The following SNURF variants were observed in gnomAD, a reference collection of about 807,000 sequenced individuals.
SNURF encodes SNRPN upstream open reading frame.
Under a neutral mutation model 11.6 loss-of-function variants are expected in SNURF, and 6 were observed. That is an observed-to-expected ratio of 0.52 (90% CI 0.28 to 1.02). SNURF has a LOEUF of 1.02. SNURF is among the 50% of genes least tolerant of loss of function. The pLI is 0.09. For synonymous variants in SNURF, 29 were observed against 31.6 expected (o/e 0.92, Z 0.27); for missense variants, 84 against 88.4 (o/e 0.95, Z 0.20).
At chr15:24,965,303 G>A (rs565653173) in intron 2 of SNURF, among the ~76,000 whole-genome samples, 4 of 152,096 alleles carry the variant, frequency 2.6e-5, no homozygotes, top group Admixed American at 6.6e-5. Context: ...TTTGGGAGGC[G>A]AAGGTGGGCA....
At chr15:24,962,417 T>C (rs1467596906) in intron 2 of SNURF, among the ~76,000 whole-genome samples, 1 of 152,234 alleles carries the variant, frequency 6.6e-6, no homozygotes, top group Non-Finnish European at 1.5e-5. Context: ...TAATTTTCTT[T>C]TTTCCTATAC....
downstream of SNURF, among the ~76,000 whole-genome samples, chr15:24,971,556 AAAT>A (rs1034812543): frequency 3.3e-5 from 5 of 151,692 alleles, no homozygotes; most frequent in South Asian, 2.1e-4. Context: ...TATAAATATA[AAAT>A]AATAATCTGT....
At chr15:24,955,003 G>A (rs370477576) in exon 1 of SNURF, 23 of 1,611,084 alleles carry the variant, frequency 1.4e-5, no homozygotes, top group Non-Finnish European at 1.8e-5. Flanking sequence ...TGGAGCGGCC[G>A]CCGGAGATGC....
intron 1 of SNURF, among the ~76,000 whole-genome samples, chr15:24,956,377 T>G (rs2153368745): frequency 6.8e-6 from 1 of 146,412 alleles, no homozygotes; most frequent in Non-Finnish European, 1.5e-5. Flanking sequence ...GCTTCCTCCC[T>G]GTAGAGCCGC....
intron 6 of SNURF, chr15:24,977,150 A>T (rs757228865): frequency 1.7e-5 from 12 of 698,736 alleles, no homozygotes; most frequent in Middle Eastern, 7.9e-4. Context: ...TTTAGGAGGA[A>T]CCAAAACACA....
chr15:24,964,973 AT>A (rs1270716287), intron 2 of SNURF, among the ~76,000 whole-genome samples: 1 of 152,134 alleles, frequency 6.6e-6, no homozygotes, highest in Non-Finnish European at 1.5e-5. Context: ...TGGGGGAATG[AT>A]CTGAGTAAAG....
At chr15:24,964,808 G>T (rs117346461) in intron 2 of SNURF, among the ~76,000 whole-genome samples, 402 of 152,226 alleles carry the variant, frequency 2.6e-3, no homozygotes, top group Non-Finnish European at 4.1e-3. Context: ...TAAATAACAG[G>T]TAGTCTCATC....
chr15:24,976,136 C>T (rs2077035939), intron 4 of SNURF, among the ~76,000 whole-genome samples: 1 of 152,130 alleles, frequency 6.6e-6, no homozygotes, highest in Non-Finnish European at 1.5e-5. Flanking sequence ...TCACTATTTA[C>T]CCTTGTATAT....
At chr15:24,970,435 C>T (rs557438119), downstream of SNURF, among the ~76,000 whole-genome samples, 91 of 152,046 alleles carry the variant, frequency 6.0e-4, no homozygotes, top group Middle Eastern at 3.4e-3. Flanking sequence ...AAATATTAGC[C>T]GGGTGTAGTG....
chr15:24,972,129 G>A (rs1015764057), downstream of SNURF, among the ~76,000 whole-genome samples: 3 of 151,796 alleles, frequency 2.0e-5, no homozygotes, highest in Admixed American at 1.3e-4. Context: ...GGTGGCGGGC[G>A]CCTGTAATCC....
downstream of SNURF, chr15:24,978,304 C>CA: frequency 1.2e-6 from 2 of 1,614,154 alleles, no homozygotes; most frequent in Non-Finnish European, 1.7e-6. Context: ...AGACCCCCTC[C>CA]ACCAGGCATT....
At chr15:24,963,557 A>G (rs1346290286) in intron 2 of SNURF, among the ~76,000 whole-genome samples, 1 of 151,488 alleles carries the variant, frequency 6.6e-6, no homozygotes, top group East Asian at 1.9e-4. Context: ...GGAGGTTGCA[A>G]TGAGCTAAGA....
chr15:24,974,824 G>T, intron 3 of SNURF: 1 of 670,400 alleles, frequency 1.5e-6, no homozygotes, highest in Admixed American at 2.2e-5. Flanking sequence ...CTCCCAAAGT[G>T]CTGGGATTAC....
chr15:24,977,404 C>T (rs886626122), intron 6 of SNURF, among the ~76,000 whole-genome samples: 10 of 152,080 alleles, frequency 6.6e-5, no homozygotes, highest in African/African-American at 9.7e-5. Flanking sequence ...TTTGGGAGGC[C>T]GAGGTGGGCA....
chr15:24,974,217 A>G, intron 3 of SNURF: 1 of 545,890 alleles, frequency 1.8e-6, no homozygotes, highest in Non-Finnish European at 3.3e-6. Flanking sequence ...GATGTTTTTG[A>G]ACGTGTCTGT....
chr15:24,970,191 A>T (rs1274338429), downstream of SNURF, among the ~76,000 whole-genome samples: 1 of 152,226 alleles, frequency 6.6e-6, no homozygotes, highest in African/African-American at 2.4e-5. Context: ...TCTGCTGTGG[A>T]GGAAGATGGG....
downstream of SNURF, among the ~76,000 whole-genome samples, chr15:24,970,538 C>T (rs142032572): frequency 2.2e-3 from 338 of 152,248 alleles, no homozygotes; most frequent in African/African-American, 7.8e-3. Flanking sequence ...GAGATTGTGC[C>T]ACTGCGCTTC....
At chr15:24,955,096 G>T (rs372122281) in intron 1 of SNURF, 34 bp downstream of exon 1, 1 of 1,613,508 alleles carries the variant, frequency 6.2e-7, no homozygotes, top group Non-Finnish European at 8.5e-7. Flanking sequence ...TCAAGAGACA[G>T]CCTGGGGAGC....
At chr15:24,976,349 T>C (rs1374556518) in exon 5 of SNURF, 1 of 1,613,548 alleles carries the variant, frequency 6.2e-7, no homozygotes, top group East Asian at 2.2e-5. Context: ...AAGCGGGTTT[T>C]GGGTCTGGTG....
Sources: allele counts gnomAD v4.1 joint callset (sites outside exome capture counted in the v4.1 genomes callset), GRCh38; gene constraint gnomAD v4.1.1; transcripts MANE v1.5; gene names NCBI Gene and HGNC (gene_info 2026-07-23, HGNC 2026-07-21).